Variants in GABRB3 observed in about 807,000 individuals in gnomAD.
The protein encoded by GABRB3 is gamma-aminobutyric acid receptor subunit beta-3.
Under a neutral mutation model 52.1 loss-of-function variants are expected in GABRB3, and 14 were observed. The observed-to-expected ratio is 0.27, with a 90% CI of 0.18 to 0.42. The LOEUF is 0.42. Among genes scored for constraint, GABRB3 ranks in the 10% least tolerant of loss-of-function variants. GABRB3 has a pLI of 1.00. For missense variants in GABRB3, 307 were observed against 609.1 expected (o/e 0.50, Z 5.22); for synonymous variants, 260 against 232.3 (o/e 1.12, Z -1.08).
intron 7 of GABRB3, among the ~76,000 whole-genome samples, chr15:26,565,085 T>C (rs1055520362): frequency 6.6e-6 from 1 of 152,226 alleles, no homozygotes; most frequent in Non-Finnish European, 1.5e-5. Flanking sequence ...CCAGAACAGA[T>C]AAACTACATG....
chr15:26,587,399 T>G (rs1000584793), intron 4 of GABRB3, among the ~76,000 whole-genome samples: 3 of 152,146 alleles, frequency 2.0e-5, no homozygotes, highest in Non-Finnish European at 4.4e-5. Context: ...ATAGAAGAAG[T>G]AGCTGAACAG....
chr15:26,592,905 C>A (rs1891258586), intron 4 of GABRB3, among the ~76,000 whole-genome samples: 1 of 152,104 alleles, frequency 6.6e-6, no homozygotes, highest in African/African-American at 2.4e-5. Context: ...GTCCCAGCTA[C>A]TTGGGAGGCT....
chr15:26,586,059 C>T (rs1317188898), intron 4 of GABRB3, among the ~76,000 whole-genome samples: 5 of 152,030 alleles, frequency 3.3e-5, no homozygotes, highest in African/African-American at 4.8e-5. Context: ...AGTGCAGTGG[C>T]GCAATCTTGG....
chr15:26,726,677 T>C (rs947301363), intron 3 of GABRB3, among the ~76,000 whole-genome samples: 17 of 152,170 alleles, frequency 1.1e-4, no homozygotes, highest in Admixed American at 9.2e-4. Flanking sequence ...TGTGCCCTTC[T>C]TGGTGATCAT....
At chr15:26,676,659 A>G (rs1888078702) in intron 3 of GABRB3, among the ~76,000 whole-genome samples, 1 of 152,224 alleles carries the variant, frequency 6.6e-6, no homozygotes, top group African/African-American at 2.4e-5. Context: ...TCTTAGGCAT[A>G]CATACACTCC....
chr15:26,751,719 TA>T (rs1333803921), intron 3 of GABRB3, among the ~76,000 whole-genome samples: 10 of 152,128 alleles, frequency 6.6e-5, no homozygotes, highest in African/African-American at 2.4e-4. Flanking sequence ...TTCCAGTAAA[TA>T]AATTTTGGTC....
chr15:26,659,136 A>G (rs1181494994), intron 3 of GABRB3, among the ~76,000 whole-genome samples: 2 of 152,224 alleles, frequency 1.3e-5, no homozygotes, highest in Non-Finnish European at 2.9e-5. Flanking sequence ...GGAGGCAGCC[A>G]TGGAACCACT....
At position 26,621,001 on chromosome 15, in the gene GABRB3, A is replaced by G. The variant is rs1036808201; in HGVS notation, c.461+313T>C. ...GCCACTGCAGTGTCAGGGCGATATT[A>G]ATTACAGGCCTCTGTGGCTATGATA... On this transcript the variant is annotated intron_variant, in intron 4 of 8. Coordinates refer to ENST00000311550, the MANE Select transcript of GABRB3 (RefSeq NM_000814.6). This position sits in a 1 kb window ranked among gnomAD's most constrained non-coding sequence, Gnocchi z 4.1. Among the ~76,000 whole-genome samples, 10 of 152,218 alleles carry G rather than the reference A, an allele frequency of 6.6e-5. No homozygotes were observed. The highest frequency in any genetic ancestry group is 1.3e-4 in the Non-Finnish European group (9 of 68,038).
intron 5 of GABRB3, 92 bp downstream of exon 5, chr15:26,583,240 A>G: frequency 8.6e-6 from 9 of 1,041,344 alleles, no homozygotes; most frequent in Non-Finnish European, 1.3e-5. Context: ...TGTCAAAAAA[A>G]TTATGGATGC....
At chr15:26,707,118 G>C (rs746225699) in intron 3 of GABRB3, among the ~76,000 whole-genome samples, 1 of 152,202 alleles carries the variant, frequency 6.6e-6, no homozygotes, top group Non-Finnish European at 1.5e-5. Flanking sequence ...AAATGCACCA[G>C]ATGCCACAGG....
chr15:26,610,362 T>C (rs1292400660), intron 4 of GABRB3, among the ~76,000 whole-genome samples: 3 of 152,164 alleles, frequency 2.0e-5, no homozygotes, highest in Non-Finnish European at 4.4e-5. Flanking sequence ...TGGCTTTCTG[T>C]GTGGCTTGTA....
At chr15:26,641,201 C>T (rs369316963) in intron 3 of GABRB3, among the ~76,000 whole-genome samples, 7 of 152,222 alleles carry the variant, frequency 4.6e-5, no homozygotes, top group East Asian at 1.9e-4. Context: ...ATCAAATATA[C>T]CTTTATGAAT....
At chr15:26,640,791 A>G (rs138626972) in intron 3 of GABRB3, among the ~76,000 whole-genome samples, 2 of 152,364 alleles carry the variant, frequency 1.3e-5, no homozygotes, top group African/African-American at 4.8e-5. Context: ...GCTTAGAGAT[A>G]CACTGTCCAA....
intron 3 of GABRB3, among the ~76,000 whole-genome samples, chr15:26,757,926 C>T (rs925449082): frequency 7.2e-5 from 11 of 152,288 alleles, no homozygotes; most frequent in South Asian, 4.1e-4. Flanking sequence ...TTTTGCCATA[C>T]ATATTCACAA....
intron 3 of GABRB3, among the ~76,000 whole-genome samples, chr15:26,679,891 T>C (rs1484690013): frequency 1.3e-5 from 2 of 152,240 alleles, no homozygotes; most frequent in African/African-American, 2.4e-5. Flanking sequence ...GTGGCCAGGT[T>C]ACTCTACAGA....
At chr15:26,639,895 T>G (rs576389514) in intron 3 of GABRB3, among the ~76,000 whole-genome samples, 1 of 152,320 alleles carries the variant, frequency 6.6e-6, no homozygotes, top group East Asian at 1.9e-4. Context: ...GATGGAAGAT[T>G]TAGGTTTCAC....
At chr15:26,627,999 C>T (rs114785528) in intron 3 of GABRB3, among the ~76,000 whole-genome samples, 1,550 of 152,326 alleles carry the variant, frequency 0.01, 28 homozygotes, top group African/African-American at 0.035. Flanking sequence ...CCACCCTGAT[C>T]AGCCAGCAGC....
At chr15:26,591,082 G>A (rs753822978) in intron 4 of GABRB3, among the ~76,000 whole-genome samples, 18 of 152,112 alleles carry the variant, frequency 1.2e-4, no homozygotes, top group Admixed American at 3.9e-4. Flanking sequence ...AGACTACCCT[G>A]GGTAAGCTAA....
intron 3 of GABRB3, among the ~76,000 whole-genome samples, chr15:26,749,565 T>C (rs549818850): frequency 1.3e-5 from 2 of 152,286 alleles, no homozygotes; most frequent in Non-Finnish European, 2.9e-5. Context: ...GGTTCTTCTG[T>C]ATGTTGGGAG....
Sources: allele counts gnomAD v4.1 joint callset (sites outside exome capture counted in the v4.1 genomes callset), GRCh38; gene constraint gnomAD v4.1.1; non-coding constraint Gnocchi (gnomAD v3.1); transcripts MANE v1.5; gene names NCBI Gene and HGNC (gene_info 2026-07-23, HGNC 2026-07-21).